Variants in PTBP2 observed in about 807,000 individuals in gnomAD.
PTBP2 encodes polypyrimidine tract-binding protein 2.
In PTBP2, 13 loss-of-function variants were observed where a neutral mutation model predicts 61.4. That is an observed-to-expected ratio of 0.21 (90% confidence interval 0.14 to 0.34). The LOEUF is 0.34. Among genes scored for constraint, PTBP2 ranks in the 10% least tolerant of loss-of-function variants. The pLI is 1.00. For missense variants in PTBP2, 405 were observed against 642.6 expected (o/e 0.63, Z 4.00); for synonymous variants, 215 against 218.5 (o/e 0.98, Z 0.14).
At chr1:96,726,059 A>G (rs1344421005) in intron 2 of PTBP2, among the ~76,000 whole-genome samples, 1 of 120,160 alleles carries the variant, frequency 8.3e-6, no homozygotes, top group African/African-American at 3.4e-5. Flanking sequence ...TGGGCGACAG[A>G]GACAGACTCT....
rs1193208740 is a variant in PTBP2 at position 96,814,451 on chromosome 1, T to TA, written c.*1046_*1047insA. ...GACAACCAGGTGGGACCAAAGTTTA[T>TA]GTGCCTTTAGTCTTAATTTACCTTG... is the stretch of plus-strand genomic sequence containing the variant. On this transcript the variant is annotated 3_prime_UTR_variant, in exon 14 of 14. Coordinates refer to ENST00000674951, the MANE Select transcript of PTBP2 (RefSeq NM_021190.4). The TA allele has an allele frequency of 6.6e-6, 1 of 152,596 alleles. No homozygotes were observed. Among genetic ancestry groups the TA allele is most frequent in the Non-Finnish European group, 1.5e-5 (1 of 67,984 alleles). 9.5% of individuals were successfully genotyped at this position (152,596 alleles called of 1,614,324 possible).
At chr1:96,760,336 A>G (rs1280066009) in intron 3 of PTBP2, among the ~76,000 whole-genome samples, 1 of 152,128 alleles carries the variant, frequency 6.6e-6, no homozygotes, top group Non-Finnish European at 1.5e-5. Flanking sequence ...TACACCAACT[A>G]GAATGGCTAA....
intron 3 of PTBP2, among the ~76,000 whole-genome samples, chr1:96,752,727 T>G (rs547602829): frequency 7.3e-4 from 111 of 152,234 alleles, no homozygotes; most frequent in African/African-American, 2.6e-3. Flanking sequence ...AATTTCCAAA[T>G]ATTTAGGGCT....
intron 3 of PTBP2, among the ~76,000 whole-genome samples, chr1:96,764,160 T>C (rs1489121751): frequency 6.6e-6 from 1 of 152,208 alleles, no homozygotes; most frequent in African/African-American, 2.4e-5. Context: ...TCTGTACTTG[T>C]TGAATAGGTG....
chr1:96,762,722 A>AC (rs1373349495), intron 3 of PTBP2, among the ~76,000 whole-genome samples: 1 of 132,202 alleles, frequency 7.6e-6, no homozygotes, highest in Non-Finnish European at 1.6e-5. Flanking sequence ...GCGGGGGCTG[A>AC]CCCCCACCTC....
At chr1:96,732,544 G>A (rs576144596) in intron 2 of PTBP2, among the ~76,000 whole-genome samples, 1 of 152,222 alleles carries the variant, frequency 6.6e-6, no homozygotes, top group East Asian at 1.9e-4. Flanking sequence ...AAGTGTCATA[G>A]GCTTTAATAT....
chr1:96,820,380 A>G (rs1387831704), exon 14 of PTBP2: 1 of 152,144 alleles, frequency 6.6e-6, no homozygotes, highest in Non-Finnish European at 1.5e-5. Flanking sequence ...TTGAAAATGC[A>G]TATTCTAGCA....
At chr1:96,795,091 C>T (rs916590848) in intron 8 of PTBP2, among the ~76,000 whole-genome samples, 2 of 151,962 alleles carry the variant, frequency 1.3e-5, no homozygotes, top group Non-Finnish European at 1.5e-5. Flanking sequence ...GTTATGAAAG[C>T]GGGGGATGAG....
chr1:96,796,500 G>A (rs1660403325), intron 8 of PTBP2, among the ~76,000 whole-genome samples: 1 of 152,098 alleles, frequency 6.6e-6, no homozygotes, highest in African/African-American at 2.4e-5. Context: ...TTAACAAGTT[G>A]AAAGTAGGAA....
At chr1:96,725,671 A>G (rs1650338185) in intron 2 of PTBP2, among the ~76,000 whole-genome samples, 1 of 152,210 alleles carries the variant, frequency 6.6e-6, no homozygotes, top group Non-Finnish European at 1.5e-5. Context: ...ATTTTCTGGA[A>G]TAATGGTTAA....
chr1:96,788,101 C>T (rs1013333969), intron 8 of PTBP2, among the ~76,000 whole-genome samples: 3 of 152,148 alleles, frequency 2.0e-5, no homozygotes, highest in African/African-American at 7.2e-5. Context: ...TAGGCAAATG[C>T]CTATTTTAAT....
chr1:96,745,964 G>T (rs923121544), intron 2 of PTBP2, among the ~76,000 whole-genome samples: 2 of 151,936 alleles, frequency 1.3e-5, no homozygotes, highest in Non-Finnish European at 1.5e-5. Flanking sequence ...TACTCAGGAG[G>T]CTGAGACAGG....
downstream of PTBP2, chr1:96,818,717 AGT>A (rs1055643271): frequency 1.8e-4 from 27 of 152,214 alleles, no homozygotes; most frequent in African/African-American, 6.5e-4. Flanking sequence ...TTTTTTCCTG[AGT>A]GTGGAAATTA....
In PTBP2 at chr1:96,733,642, G is replaced by T. The variant is rs548263566; in HGVS notation, c.39+10048G>T. On this transcript the variant is annotated intron_variant, in intron 2 of 13. Transcript: ENST00000674951. ...GCTATGATTGTATCACTACACTCCA[G>T]CCTGGGCGAGAGGAGATCCAGTCTC... Among the ~76,000 whole-genome samples the T allele has an allele frequency of 2.0e-5, 3 of 152,274 alleles. No individual in the cohort carries two copies. The South Asian group carries it at 6.2e-4, about 32-fold the overall frequency.
chr1:96,792,952 A>C (rs1260553754), intron 8 of PTBP2, among the ~76,000 whole-genome samples: 1 of 152,184 alleles, frequency 6.6e-6, no homozygotes, highest in Non-Finnish European at 1.5e-5. Flanking sequence ...ATACCTAAAC[A>C]TGCTAGTATT....
chr1:96,753,746 AGC>A (rs10574218), intron 3 of PTBP2, among the ~76,000 whole-genome samples: 6,820 of 152,178 alleles, frequency 0.045, 476 homozygotes, highest in African/African-American at 0.15. Flanking sequence ...CTATAAAGAA[AGC>A]ATGTAGAAAT....
At chr1:96,731,999 A>G (rs973428816) in intron 2 of PTBP2, among the ~76,000 whole-genome samples, 5 of 152,166 alleles carry the variant, frequency 3.3e-5, no homozygotes, top group African/African-American at 1.2e-4. Flanking sequence ...GATTTTAAGT[A>G]TGGTGAAATT....
At chr1:96,820,368 C>T (rs973618300) in exon 14 of PTBP2, 10 of 152,074 alleles carry the variant, frequency 6.6e-5, no homozygotes, top group African/African-American at 2.2e-4. Context: ...TTCTATTAGA[C>T]ATTGAAAATG....
chr1:96,801,753 C>T lies in PTBP2; in HGVS notation c.905-3047C>T, dbSNP rs141623473. ...GTGGGTGCCTGTAGTCTCAGCTACT[C>T]GAGATGCTGAGGCAGGAGAATCACT... On this transcript the variant is annotated intron_variant, in intron 8 of 13. Transcript: ENST00000674951. Among the ~76,000 whole-genome samples the T allele has an allele frequency of 1.2e-3, 187 of 150,134 alleles. No individual in the cohort carries two copies. The Middle Eastern group carries it at 0.014, about 11-fold the overall frequency.
Sources: gnomAD v4.1 joint callset for allele counts (sites outside exome capture counted in the v4.1 genomes callset) on GRCh38, gnomAD v4.1.1 for gene constraint, MANE v1.5 for transcripts, NCBI Gene and HGNC (gene_info 2026-07-23, HGNC 2026-07-21) for gene names.